The following PCDHGA9 variants were observed in gnomAD, a reference collection of about 807,000 sequenced individuals.
PCDHGA9 encodes the protein protocadherin gamma-A9.
A neutral mutation model predicts 62.5 loss-of-function variants in PCDHGA9; 37 were observed. The observed-to-expected ratio is 0.59, with a 90% CI of 0.46 to 0.78. The LOEUF is 0.78. Among genes scored for constraint, PCDHGA9 ranks in the 30% least tolerant of loss-of-function variants. PCDHGA9 has a pLI of 0.00. For synonymous variants in PCDHGA9, 459 were observed against 484.6 expected (o/e 0.95, Z 0.69); for missense variants, 1,138 against 1,166.2 (o/e 0.98, Z 0.35).
In PCDHGA9 at chr5:141,403,163, A is replaced by C; in HGVS notation, c.211A>C (p.Arg71=). 1 of 1,614,052 alleles carries C rather than the reference A, an allele frequency of 6.2e-7. No homozygotes were observed. The highest frequency in any genetic ancestry group is 1.1e-5 in the South Asian group (1 of 91,084). ...CCGAGTCCGCATCGTCTCTAGAGGT[A>C]GGACGCAGCTTTTCTCTCTGAACCC... The part of the protein sequence containing the change: ...ERRVRIVSRG[R]TQLFSLNPRS... Residue 71 remains arginine (R), a synonymous_variant, in exon 1 of 4, where the codon AGG becomes CGG. Transcript: ENST00000573521.
intron 1 of PCDHGA9, among the ~76,000 whole-genome samples, chr5:141,434,479 A>C (rs2097696849): frequency 6.6e-6 from 1 of 152,202 alleles, no homozygotes; most frequent in African/African-American, 2.4e-5. Flanking sequence ...AGGGCAAGGA[A>C]CACCTGGCCC....
intron 1 of PCDHGA9, among the ~76,000 whole-genome samples, chr5:141,453,823 G>A (rs2154564414): frequency 6.6e-6 from 1 of 152,250 alleles, no homozygotes; most frequent in South Asian, 2.1e-4. Flanking sequence ...GACAAACTTG[G>A]CTGCTAGCCC....
At chr5:141,473,066 A>G (rs1002054198) in intron 1 of PCDHGA9, among the ~76,000 whole-genome samples, 3 of 152,128 alleles carry the variant, frequency 2.0e-5, no homozygotes, top group African/African-American at 7.2e-5. Context: ...AACAAGTTAC[A>G]GCATCTTTGT....
chr5:141,487,068 T>C lies in PCDHGA9; in HGVS notation c.2425-7739T>C. ...TATGCTGGGGAGGTGCGGACGGCTG[T>C]TCCTATCCCAGCTGACCTCCCACCA... On this transcript the variant is annotated intron_variant, in intron 1 of 3. Transcript: ENST00000573521. The surrounding 1 kb of genome is among the most constrained non-coding windows in gnomAD (Gnocchi z 5.0). The C allele has an allele frequency of 6.2e-7, 1 of 1,614,166 alleles. No individual in the cohort carries two copies. The highest frequency in any genetic ancestry group is 8.5e-7 in the Non-Finnish European group (1 of 1,180,016).
At chr5:141,453,959 C>A (rs919037104) in intron 1 of PCDHGA9, among the ~76,000 whole-genome samples, 1 of 152,182 alleles carries the variant, frequency 6.6e-6, no homozygotes, top group African/African-American at 2.4e-5. Flanking sequence ...GCACAGACAG[C>A]AAAGCATGTA....
At chr5:141,506,164 G>A (rs959032250) in intron 3 of PCDHGA9, among the ~76,000 whole-genome samples, 17 of 152,140 alleles carry the variant, frequency 1.1e-4, no homozygotes, top group Non-Finnish European at 2.4e-4. Context: ...TAAGAGCACA[G>A]CCTAAGCTGG....
rs201704748 is a variant in PCDHGA9, at chr5:141,431,453, G to A, written c.2424+26077G>A. The A allele has an allele frequency of 5.7e-4, 914 of 1,613,802 alleles. 10 individuals are homozygous for A. The South Asian group carries it at 9.6e-3, about 17-fold the overall frequency. ...AGGCACCGCGCGCATCCGCGTGATG[G>A]TTCTGGATGCGAACGACAACGCACC... On this transcript the variant is annotated intron_variant, in intron 1 of 3. Coordinates refer to ENST00000573521, the MANE Select transcript of PCDHGA9 (RefSeq NM_018921.3). This position sits in a 1 kb window ranked among gnomAD's most constrained non-coding sequence, Gnocchi z 4.8.
chr5:141,419,494 T>A, intron 1 of PCDHGA9: 1 of 1,612,380 alleles, frequency 6.2e-7, no homozygotes, highest in Non-Finnish European at 8.5e-7. Context: ...TCAGCGCCAA[T>A]GTGAGCCTGC....
At chr5:141,503,478 C>T (rs1249372985) in intron 2 of PCDHGA9, among the ~76,000 whole-genome samples, 3 of 151,680 alleles carry the variant, frequency 2.0e-5, no homozygotes, top group East Asian at 1.9e-4. Context: ...GTGCACTTGT[C>T]GTCCCAGCTG....
At position 141,491,413 on chromosome 5, in the gene PCDHGA9, G is replaced by A. The variant is rs1193417991; in HGVS notation, c.2425-3394G>A. 5.6e-6 allele frequency: 9 copies of A among 1,613,946 alleles called. No individual in the cohort carries two copies. Among genetic ancestry groups the A allele is most frequent in the Non-Finnish European group, 7.6e-6 (9 of 1,179,986 alleles). On this transcript the variant is annotated intron_variant, in intron 1 of 3. Transcript: ENST00000573521. The surrounding 1 kb of genome is among the most constrained non-coding windows in gnomAD (Gnocchi z 6.9). Reference sequence around the variant, plus strand: ...CCTTCAGGGAAACGCAGACGGGGACGGGGGTGGAGGGCAGTGCTGCAGGCG... The same window carrying A: ...CCTTCAGGGAAACGCAGACGGGGACAGGGGTGGAGGGCAGTGCTGCAGGCG...
intron 1 of PCDHGA9, chr5:141,421,546 A>C: frequency 6.2e-7 from 1 of 1,614,014 alleles, no homozygotes; most frequent in Non-Finnish European, 8.5e-7. Context: ...TTTTTTAAAT[A>C]TGGAACTTCT....
In PCDHGA9 at chr5:141,477,017, A is replaced by G; in HGVS notation, c.2425-17790A>G. 2 of 1,614,220 alleles carry G rather than the reference A, an allele frequency of 1.2e-6. No homozygotes were observed. The highest frequency in any genetic ancestry group is 2.2e-5 in the East Asian group (1 of 44,868). ...GCAACTATTCGCCTTAGACCTTGTA[A>G]CCGGGATGCTGACAATCAAGGGTCG... On this transcript the variant is annotated intron_variant, in intron 1 of 3. Coordinates refer to ENST00000573521, the MANE Select transcript of PCDHGA9 (RefSeq NM_018921.3). This position sits in a 1 kb window ranked among gnomAD's most constrained non-coding sequence, Gnocchi z 4.9.
At chr5:141,501,238 G>A (rs1482962385) in intron 2 of PCDHGA9, among the ~76,000 whole-genome samples, 2 of 151,018 alleles carry the variant, frequency 1.3e-5, no homozygotes, top group African/African-American at 4.9e-5. Flanking sequence ...AGTTTTTTGA[G>A]CATGATGTAG....
chr5:141,413,639 G>A (rs893578830), intron 1 of PCDHGA9: 2 of 1,613,854 alleles, frequency 1.2e-6, no homozygotes, highest in Non-Finnish European at 1.7e-6. Context: ...GCGGGAATGC[G>A]TTTTCCTCTC....
At chr5:141,499,029 A>AAGGAAGGAAGGAAGGAAGGAAGG (rs1562187768) in intron 2 of PCDHGA9, among the ~76,000 whole-genome samples, 1 of 139,968 alleles carries the variant, frequency 7.1e-6, no homozygotes, top group African/African-American at 2.8e-5. Flanking sequence ...AGGAAGGAAG[A>AAGGAAGGAAGGAAGGAAGGAAGG]AAAGAAAGAA....
Position 141,432,581 on chromosome 5 carries a change from C to T in PCDHGA9, c.2424+27205C>T. 6.2e-7 allele frequency: 1 copy of T among 1,613,930 alleles called. No homozygotes were observed. The highest frequency in any genetic ancestry group is 8.5e-7 in the Non-Finnish European group (1 of 1,179,974). On this transcript the variant is annotated intron_variant, in intron 1 of 3. Coordinates refer to ENST00000573521, the MANE Select transcript of PCDHGA9 (RefSeq NM_018921.3). The surrounding 1 kb of genome is among the most constrained non-coding windows in gnomAD (Gnocchi z 6.0). ...CCAGAACGCCTGGCTGTCCTACCGT[C>T]TGCTCAAGGCCAGCGAGCCGGGACT...
chr5:141,486,100 C>G lies in PCDHGA9; in HGVS notation c.2425-8707C>G. Reference sequence around the variant, plus strand: ...AGCTTACTCTTTTGGGGCCCCTAGACTTTGAGAGTGAGAATTACTATGAAT... The same window carrying G: ...AGCTTACTCTTTTGGGGCCCCTAGAGTTTGAGAGTGAGAATTACTATGAAT... On this transcript the variant is annotated intron_variant, in intron 1 of 3. Transcript: ENST00000573521. This position sits in a 1 kb window ranked among gnomAD's most constrained non-coding sequence, Gnocchi z 5.0. 1 of 1,614,190 alleles carries G rather than the reference C, an allele frequency of 6.2e-7. No individual in the cohort carries two copies. The highest frequency in any genetic ancestry group is 1.1e-5 in the South Asian group (1 of 91,086).
At chr5:141,415,982 T>G in intron 1 of PCDHGA9, 1 of 342,492 alleles carries the variant, frequency 2.9e-6, no homozygotes, top group Non-Finnish European at 4.9e-6. Flanking sequence ...AGCAACCCTC[T>G]TGTTCTGAAG....
intron 1 of PCDHGA9, chr5:141,427,178 A>G (rs1175390589): frequency 4.4e-6 from 2 of 456,644 alleles, no homozygotes; most frequent in Admixed American, 2.3e-5. Flanking sequence ...AAAATGGGGA[A>G]ATTAAATCCA....
Sources: gnomAD v4.1 joint callset for allele counts (sites outside exome capture counted in the v4.1 genomes callset) on GRCh38, gnomAD v4.1.1 for gene constraint, Gnocchi (gnomAD v3.1) non-coding constraint, MANE v1.5 for transcripts, NCBI Gene and HGNC (gene_info 2026-07-23, HGNC 2026-07-21) for gene names.